Variants in WWOX observed in about 807,000 individuals in gnomAD.
WWOX encodes the protein WW domain containing oxidoreductase, also known as WW domain-containing oxidoreductase.
Under a neutral mutation model 46.2 loss-of-function variants are expected in WWOX, and 69 were observed. The observed-to-expected ratio is 1.49, with a 90% CI of 1.23 to 1.82. The LOEUF (loss-of-function observed/expected upper bound fraction) is 1.82, where lower values mean the gene tolerates loss of function less well. WWOX is among the 40% of genes most tolerant of loss of function. The probability of loss-of-function intolerance (pLI) is 0.00; values close to 1 mark genes in which losing one functional copy is unlikely to be tolerated. For synonymous variants in WWOX, 359 were observed against 202.6 expected, an observed-to-expected ratio of 1.77 and a Z score of -6.56; for missense variants, 919 against 542.6, an observed-to-expected ratio of 1.69 and a Z score of -6.89.
At chr16:78,858,261 G>A (rs1464495752) in intron 8 of WWOX, among the ~76,000 whole-genome samples, 2 of 148,416 alleles carry the variant, frequency 1.3e-5, no homozygotes, top group African/African-American at 2.5e-5. Context: ...CTTTAGTGGC[G>A]ATTTATCAGA....
At chr16:78,466,578 C>G (rs1013968420) in intron 8 of WWOX, among the ~76,000 whole-genome samples, 5 of 152,026 alleles carry the variant, frequency 3.3e-5, no homozygotes, top group African/African-American at 1.2e-4. Flanking sequence ...ACCTGTAATC[C>G]CAGCACTTTG....
At chr16:79,170,545 C>T (rs529546182) in intron 8 of WWOX, among the ~76,000 whole-genome samples, 1 of 152,256 alleles carries the variant, frequency 6.6e-6, no homozygotes, top group Non-Finnish European at 1.5e-5. Flanking sequence ...AAAATGAAAT[C>T]TGACTGTAAA....
At chr16:78,735,163 G>A (rs2049057288) in intron 8 of WWOX, among the ~76,000 whole-genome samples, 1 of 151,874 alleles carries the variant, frequency 6.6e-6, no homozygotes, top group African/African-American at 2.4e-5. Context: ...CACCACGTCT[G>A]GCCTGACATC....
intron 8 of WWOX, among the ~76,000 whole-genome samples, chr16:79,081,487 A>G (rs574671214): frequency 7.4e-4 from 112 of 152,176 alleles, no homozygotes; most frequent in Non-Finnish European, 9.7e-4. Flanking sequence ...TTCTGCAGTC[A>G]TTTTCATGGC....
At chr16:78,592,071 C>A (rs544294878) in intron 8 of WWOX, among the ~76,000 whole-genome samples, 3 of 152,256 alleles carry the variant, frequency 2.0e-5, no homozygotes, top group Non-Finnish European at 4.4e-5. Context: ...GAGGTCAATA[C>A]GTGTGGATAT....
rs183268292 is a variant in WWOX at position 79,184,595 on chromosome 16, C to T, written c.1057-27013C>T. On this transcript the variant is annotated intron_variant, in intron 8 of 8. Transcript: ENST00000566780. ...CTCTGCAACTCTCCAAGCTCCAGCC[C>T]TGTAGTGCCAGCCTGTACCTGCCTC... Among the ~76,000 whole-genome samples the T allele has an allele frequency of 2.2e-4, 34 of 152,336 alleles. No individual in the cohort carries two copies. In the East Asian group the frequency reaches 5.4e-3, roughly 24 times the overall value.
chr16:79,039,338 G>C (rs1295957612), intron 8 of WWOX, among the ~76,000 whole-genome samples: 1 of 152,032 alleles, frequency 6.6e-6, no homozygotes, highest in African/African-American at 2.4e-5. Flanking sequence ...CACCTCATCT[G>C]TAAGGGAGTT....
intron 8 of WWOX, among the ~76,000 whole-genome samples, chr16:78,598,477 G>A (rs2045542934): frequency 6.6e-6 from 1 of 152,056 alleles, no homozygotes; most frequent in Non-Finnish European, 1.5e-5. Context: ...GGTTCATTTT[G>A]CTCTGATACA....
At chr16:78,453,964 T>A (rs144430739) in intron 8 of WWOX, among the ~76,000 whole-genome samples, 18 of 152,202 alleles carry the variant, frequency 1.2e-4, no homozygotes, top group Non-Finnish European at 4.4e-5. Context: ...ATTGGGCAGA[T>A]CTGGATTTCA....
Position 78,864,414 on chromosome 16 carries a change from C to T in WWOX, c.1057-347194C>T, listed in dbSNP as rs147907444. Among the ~76,000 whole-genome samples the T allele has an allele frequency of 5.9e-3, 903 of 151,898 alleles. 8 individuals are homozygous for T. Among genetic ancestry groups the T allele is most frequent in the African/African-American group, 0.02 (840 of 41,420 alleles). On this transcript the variant is annotated intron_variant, in intron 8 of 8. Coordinates refer to ENST00000566780, the MANE Select transcript of WWOX (RefSeq NM_016373.4). ...TCCTGAGTAGATGGGACCACAGGCGCATGCCACCACACCCAGCTAAGTTTT... is the reference window on the plus strand; with the variant it reads ...TCCTGAGTAGATGGGACCACAGGCGTATGCCACCACACCCAGCTAAGTTTT...
At chr16:79,184,397 C>A (rs1259244285) in intron 8 of WWOX, among the ~76,000 whole-genome samples, 1 of 152,182 alleles carries the variant, frequency 6.6e-6, no homozygotes, top group African/African-American at 2.4e-5. Flanking sequence ...GGGGCAGAGA[C>A]CTGGAATAAT....
At chr16:78,233,402 A>C (rs2037332442) in intron 5 of WWOX, among the ~76,000 whole-genome samples, 4 of 152,148 alleles carry the variant, frequency 2.6e-5, no homozygotes, top group Admixed American at 2.6e-4. Flanking sequence ...TAGGTAAAAC[A>C]GGACATTTTT....
chr16:78,432,820 A>C, intron 8 of WWOX, 68 bp downstream of exon 8: 1 of 1,610,096 alleles, frequency 6.2e-7, no homozygotes, highest in Non-Finnish European at 8.5e-7. Context: ...TTGTGTCTCC[A>C]CCTTTTTACC....
At chr16:78,539,595 G>A (rs1409884621) in intron 8 of WWOX, among the ~76,000 whole-genome samples, 1 of 152,228 alleles carries the variant, frequency 6.6e-6, no homozygotes, top group Non-Finnish European at 1.5e-5. Context: ...GCATTTTTAA[G>A]AATTTCCCGA....
intron 5 of WWOX, among the ~76,000 whole-genome samples, chr16:78,364,481 T>G (rs1456945234): frequency 6.6e-6 from 1 of 152,042 alleles, no homozygotes; most frequent in African/African-American, 2.4e-5. Context: ...TATCTGATCT[T>G]ACAGTTATTA....
intron 8 of WWOX, among the ~76,000 whole-genome samples, chr16:78,984,527 G>A (rs956389489): frequency 6.6e-6 from 1 of 152,178 alleles, no homozygotes; most frequent in Non-Finnish European, 1.5e-5. Flanking sequence ...CAGGCAGCAG[G>A]CCAGAATTAG....
At chr16:78,144,523 A>ATATATATATTTT (rs1198739687) in intron 4 of WWOX, among the ~76,000 whole-genome samples, 1 of 18,630 alleles carries the variant, frequency 5.4e-5, no homozygotes, top group African/African-American at 2.7e-4. Context: ...ATATATATAT[A>ATATATATATTTT]TTTTTTTTTT....
chr16:78,617,149 C>A (rs1431746900), intron 8 of WWOX, among the ~76,000 whole-genome samples: 5 of 152,086 alleles, frequency 3.3e-5, no homozygotes, highest in South Asian at 2.1e-4. Context: ...TGGTGGCTCA[C>A]GCCTGTAATC....
At chr16:78,842,420 T>A (rs1355150436) in intron 8 of WWOX, among the ~76,000 whole-genome samples, 1 of 152,036 alleles carries the variant, frequency 6.6e-6, no homozygotes, top group Non-Finnish European at 1.5e-5. Context: ...GGAGAATTGC[T>A]TGAGGCTGGA....
Sources: allele counts gnomAD v4.1 joint callset (sites outside exome capture counted in the v4.1 genomes callset), GRCh38; gene constraint gnomAD v4.1.1; transcripts MANE v1.5; gene names NCBI Gene and HGNC (gene_info 2026-07-23, HGNC 2026-07-21).